Variants in MAN2A1 observed in about 807,000 individuals in gnomAD.
The protein encoded by MAN2A1 is alpha-mannosidase 2.
MAN2A1 carries 76 observed loss-of-function variants against 142.6 expected under a neutral mutation model. The observed-to-expected ratio is 0.53, with a 90% CI of 0.44 to 0.65. The LOEUF (loss-of-function observed/expected upper bound fraction) is 0.65. Ranked by LOEUF, MAN2A1 falls within the 30% of genes least tolerant of loss-of-function variation. The pLI is 0.00. For missense variants in MAN2A1, 1,311 were observed against 1,365.1 expected, an observed-to-expected ratio of 0.96 and a Z score of 0.62; for synonymous variants, 559 against 473.2, an observed-to-expected ratio of 1.18 and a Z score of -2.35.
intron 16 of MAN2A1, among the ~76,000 whole-genome samples, chr5:109,828,116 A>G (rs1388597859): frequency 1.4e-5 from 2 of 144,064 alleles, no homozygotes; most frequent in Non-Finnish European, 1.5e-5. Flanking sequence ...AAAAAAAAAA[A>G]AAGAAAAAAA....
chr5:109,756,388 G>T (rs888814775), intron 5 of MAN2A1, among the ~76,000 whole-genome samples: 3 of 139,676 alleles, frequency 2.1e-5, no homozygotes, highest in African/African-American at 7.4e-5. Flanking sequence ...GTATAATAAT[G>T]TAGTTTTTTA....
intron 2 of MAN2A1, among the ~76,000 whole-genome samples, chr5:109,714,926 T>G (rs1751409759): frequency 6.6e-6 from 1 of 152,012 alleles, no homozygotes; most frequent in Non-Finnish European, 1.5e-5. Context: ...TTGGCTTTAT[T>G]TAGTTTTTTG....
intron 7 of MAN2A1, 99 bp from the exon 8 acceptor site, chr5:109,774,689 C>A: frequency 2.4e-6 from 2 of 826,988 alleles, no homozygotes; most frequent in Non-Finnish European, 3.8e-6. Context: ...ATAAAATGTA[C>A]TTTTGAATTT....
chr5:109,701,648 CTGTT>C (rs1301237579), intron 1 of MAN2A1, among the ~76,000 whole-genome samples: 1 of 152,114 alleles, frequency 6.6e-6, no homozygotes, highest in Non-Finnish European at 1.5e-5. Flanking sequence ...AGCTGAGAAT[CTGTT>C]TGAGGTAATA....
At chr5:109,771,373 G>T (rs1455927374) in intron 7 of MAN2A1, among the ~76,000 whole-genome samples, 1 of 152,140 alleles carries the variant, frequency 6.6e-6, no homozygotes, top group Non-Finnish European at 1.5e-5. Flanking sequence ...AAAAAAGTGT[G>T]TGAGGAAGAA....
chr5:109,845,579 G>C (rs1236926645), intron 17 of MAN2A1, among the ~76,000 whole-genome samples: 1 of 152,142 alleles, frequency 6.6e-6, no homozygotes, highest in Non-Finnish European at 1.5e-5. Flanking sequence ...AAATATTGGA[G>C]AGCTAGAAGA....
At chr5:109,798,458 G>A (rs527817845) in intron 12 of MAN2A1, among the ~76,000 whole-genome samples, 1 of 152,202 alleles carries the variant, frequency 6.6e-6, no homozygotes, top group East Asian at 1.9e-4. Context: ...TGTTTAAAAC[G>A]GAACTCCTCT....
intron 16 of MAN2A1, among the ~76,000 whole-genome samples, chr5:109,831,805 ATGTGTG>A (rs55738132): frequency 4.8e-5 from 7 of 144,882 alleles, no homozygotes; most frequent in South Asian, 2.2e-4. Flanking sequence ...AACAAAAATC[ATGTGTG>A]TGTGTGTGTG....
intron 9 of MAN2A1, among the ~76,000 whole-genome samples, chr5:109,782,755 ATG>A (rs934743122): frequency 2.6e-5 from 4 of 152,150 alleles, no homozygotes; most frequent in South Asian, 2.1e-4. Flanking sequence ...TGCCAGAAAA[ATG>A]TCTCATTTTA....
intron 15 of MAN2A1, among the ~76,000 whole-genome samples, chr5:109,822,171 CTTTT>C (rs1279030258): frequency 8.1e-6 from 1 of 122,996 alleles, no homozygotes; most frequent in African/African-American, 3.0e-5. Flanking sequence ...TGGGGTTTTT[CTTTT>C]TTTTTTTTTT....
intron 4 of MAN2A1, among the ~76,000 whole-genome samples, chr5:109,748,296 G>A (rs1055807366): frequency 1.3e-5 from 2 of 151,958 alleles, no homozygotes; most frequent in Non-Finnish European, 2.9e-5. Flanking sequence ...GTGAAAAGTG[G>A]CATCTTAATG....
At chr5:109,806,361 A>G (rs985351513) in intron 12 of MAN2A1, among the ~76,000 whole-genome samples, 2 of 152,198 alleles carry the variant, frequency 1.3e-5, no homozygotes, top group African/African-American at 2.4e-5. Context: ...TAGGCTTGTA[A>G]AGTAACTGCT....
intron 2 of MAN2A1, 100 bp downstream of exon 2, chr5:109,713,874 T>A: frequency 9.3e-7 from 1 of 1,070,916 alleles, no homozygotes; most frequent in Non-Finnish European, 1.3e-6. Context: ...TTGCTTAAAC[T>A]CTTTGGATTC....
chr5:109,866,148 T>C (rs1755876923), intron 21 of MAN2A1, among the ~76,000 whole-genome samples: 1 of 152,168 alleles, frequency 6.6e-6, no homozygotes, highest in African/African-American at 2.4e-5. Context: ...ACTGATATTT[T>C]TATTACTTTT....
At chr5:109,791,731 T>G (rs1753741896) in intron 12 of MAN2A1, among the ~76,000 whole-genome samples, 1 of 152,068 alleles carries the variant, frequency 6.6e-6, no homozygotes, top group Admixed American at 6.6e-5. Context: ...ACGTAACAGG[T>G]AAACAGTTTG....
At position 109,867,113 on chromosome 5, in the gene MAN2A1, G is replaced by A. The variant is rs1755904457; in HGVS notation, c.*115G>A. On this transcript the variant is annotated 3_prime_UTR_variant, in exon 22 of 22. Transcript: ENST00000261483. ...TGGCTACTGTGAGAACATGAATTCT[G>A]TGATTCTGTGGGTTTTTTCTTTTTT... The A allele has an allele frequency of 1.8e-6, 1 of 554,782 alleles. No homozygotes were observed. Among genetic ancestry groups the A allele is most frequent in the Non-Finnish European group, 2.8e-6 (1 of 361,850 alleles). 34.4% of individuals were successfully genotyped at this position (554,782 alleles called of 1,614,324 possible). A position where few individuals can be genotyped will look rare whatever the true frequency, so the allele number is the denominator to read the frequency against.
intron 5 of MAN2A1, among the ~76,000 whole-genome samples, chr5:109,764,001 A>T (rs1422221386): frequency 1.3e-5 from 2 of 151,944 alleles, no homozygotes; most frequent in African/African-American, 2.4e-5. Flanking sequence ...GGGTTTTACC[A>T]TGTTGGTCAG....
At chr5:109,855,024 T>C in intron 19 of MAN2A1, 116 bp from the exon 20 acceptor site, 1 of 500,374 alleles carries the variant, frequency 2.0e-6, no homozygotes, top group Non-Finnish European at 3.3e-6. Flanking sequence ...ATTTATAAAA[T>C]GTAATGAAAC....
intron 16 of MAN2A1, among the ~76,000 whole-genome samples, chr5:109,838,698 T>G (rs942884360): frequency 3.3e-5 from 5 of 152,234 alleles, no homozygotes; most frequent in African/African-American, 1.2e-4. Flanking sequence ...CAGGTTTTGT[T>G]TGGCTTGTTC....
Sources: gnomAD v4.1 joint callset for allele counts (sites outside exome capture counted in the v4.1 genomes callset) on GRCh38, gnomAD v4.1.1 for gene constraint, MANE v1.5 for transcripts, NCBI Gene and HGNC (gene_info 2026-07-23, HGNC 2026-07-21) for gene names.